The following GLYR1 variants were observed in gnomAD, a reference collection of about 807,000 sequenced individuals.
GLYR1 encodes cytokine-like nuclear factor N-PAC.
In GLYR1, 21 loss-of-function variants were observed where a neutral mutation model predicts 72.7. That is an observed-to-expected ratio of 0.29 (90% CI 0.20 to 0.42). The LOEUF (loss-of-function observed/expected upper bound fraction) is 0.42. Among genes scored for constraint, GLYR1 ranks in the 10% least tolerant of loss-of-function variants. The probability of loss-of-function intolerance (pLI) is 1.00; values close to 1 mark genes in which losing one functional copy is unlikely to be tolerated. For synonymous variants in GLYR1, 392 were observed against 270.2 expected, an observed-to-expected ratio of 1.45 and a Z score of -4.42; for missense variants, 594 against 712.1, an observed-to-expected ratio of 0.83 and a Z score of 1.89.
intron 3 of GLYR1, among the ~76,000 whole-genome samples, chr16:4,837,064 T>C (rs1287685801): frequency 6.6e-6 from 1 of 152,208 alleles, no homozygotes; most frequent in African/African-American, 2.4e-5. Context: ...ACTCTCAGAT[T>C]ACTCCAATCA....
intron 3 of GLYR1, 114 bp downstream of exon 3, chr16:4,844,960 T>C: frequency 1.4e-6 from 1 of 735,380 alleles, no homozygotes; most frequent in South Asian, 1.7e-5. Context: ...GATGCCAGTA[T>C]TACACATTAT....
intron 5 of GLYR1, 97 bp downstream of exon 5, chr16:4,831,882 A>G (rs2084823933): frequency 6.7e-7 from 1 of 1,491,006 alleles, no homozygotes; most frequent in East Asian, 2.3e-5. Flanking sequence ...TGAGCAGAGT[A>G]TAGATAAGCA....
At chr16:4,826,540 G>A (rs1254986122) in intron 5 of GLYR1, among the ~76,000 whole-genome samples, 2 of 152,208 alleles carry the variant, frequency 1.3e-5, no homozygotes, top group African/African-American at 2.4e-5. Flanking sequence ...AAGGAGCCTC[G>A]TCTGACTTTT....
chr16:4,815,389 A>AT (rs1414514455), intron 10 of GLYR1, among the ~76,000 whole-genome samples: 2 of 152,140 alleles, frequency 1.3e-5, no homozygotes, highest in Admixed American at 6.6e-5. Context: ...GTTGTCTTTC[A>AT]TAATTCTGGC....
At chr16:4,843,748 A>T (rs993783721) in intron 3 of GLYR1, 6 of 724,272 alleles carry the variant, frequency 8.3e-6, no homozygotes, top group Non-Finnish European at 1.1e-5. Context: ...ATTTTTTTCA[A>T]ATCTAAGGCT....
At chr16:4,843,477 G>C in intron 3 of GLYR1, 1 of 1,254,886 alleles carries the variant, frequency 8.0e-7, no homozygotes, top group Non-Finnish European at 1.0e-6. Flanking sequence ...TAAATCCATG[G>C]AGTTCTAAGA....
intron 3 of GLYR1, chr16:4,843,370 G>A (rs1183402526): frequency 4.2e-6 from 3 of 719,166 alleles, no homozygotes; most frequent in Non-Finnish European, 5.6e-6. Flanking sequence ...GGCCAGGATG[G>A]TCTCGAACTC....
chr16:4,829,863 G>A (rs1443770071), intron 5 of GLYR1, among the ~76,000 whole-genome samples: 1 of 152,066 alleles, frequency 6.6e-6, no homozygotes, highest in African/African-American at 2.4e-5. Flanking sequence ...AGTAGAGACG[G>A]GGTTTCTCCA....
rs745396499 is a variant in GLYR1 at position 4,845,039 on chromosome 16, A to T, written c.155+35T>A. On this transcript the variant is annotated intron_variant, in intron 3 of 15. Coordinates refer to ENST00000321919, the MANE Select transcript of GLYR1 (RefSeq NM_032569.4). The stretch of plus-strand genomic sequence containing the variant: ...TCAGACTCCAGGTAACACAGAAAGA[A>T]AGGCGAAGGGAGACTCCTGGTGAGT... 3 of 1,410,908 alleles carry T rather than the reference A, an allele frequency of 2.1e-6. No individual in the cohort carries two copies. The Admixed American group carries it at 5.1e-5, about 24-fold the overall frequency. The allele number at this position is 1,410,908 out of a possible 1,614,324, so 87.4% of individuals were successfully genotyped here.
intron 5 of GLYR1, among the ~76,000 whole-genome samples, chr16:4,824,913 G>A (rs552863536): frequency 2.2e-4 from 34 of 152,136 alleles, no homozygotes; most frequent in African/African-American, 7.2e-4. Context: ...CTTAGAAAAC[G>A]CCTGCTCCAT....
chr16:4,812,109 A>G lies in GLYR1; in HGVS notation c.1259T>C (p.Met420Thr). 1 of 1,614,006 alleles carries G rather than the reference A, an allele frequency of 6.2e-7. No individual in the cohort carries two copies. Among genetic ancestry groups the G allele is most frequent in the Non-Finnish European group, 8.5e-7 (1 of 1,179,940 alleles). ...ACCTAGGAAGAAGGAGGTCTTCCCC[A>G]TCGCCTGGAAGCAGCTGCTGCAGTC... ...YEDCSSCFQA[M>T]GKTSFFLGEV... Residue 420 changes from methionine (M) to threonine (T), a missense_variant, in exon 13 of 16, where the codon ATG (methionine) becomes ACG (threonine). This residue lies in a region of GLYR1 where 266 missense variants were observed against 358.4 expected (regional missense o/e 0.74). Coordinates refer to ENST00000321919, the MANE Select transcript of GLYR1 (RefSeq NM_032569.4).
In GLYR1 at chr16:4,832,130, A is replaced by C. The variant is rs1433611625; in HGVS notation, c.386T>G (p.Leu129Arg). The C allele has an allele frequency of 1.2e-6, 2 of 1,614,130 alleles. No homozygotes were observed. The highest frequency in any genetic ancestry group is 1.7e-6 in the Non-Finnish European group (2 of 1,180,024). Residue 129 changes from leucine to arginine, a missense_variant, in exon 5 of 16, where the codon CTT becomes CGT. Leu to Arg is a moderately radical substitution (Grantham distance 102). Coordinates refer to ENST00000321919, the MANE Select transcript of GLYR1 (RefSeq NM_032569.4). Reference protein sequence around the residue: ...RPNSGDEKRKLSLSEGKVKKN... With the variant: ...RPNSGDEKRKRSLSEGKVKKN... ...CTTCACCTTCCCTTCAGACAGGCTA[A>C]GTTTGCGCTTCTCATCACCTGAGTT...
chr16:4,835,198 C>T (rs564818007), intron 3 of GLYR1, among the ~76,000 whole-genome samples: 1 of 152,248 alleles, frequency 6.6e-6, no homozygotes, highest in East Asian at 1.9e-4. Flanking sequence ...CTGCTACCTC[C>T]ATCCCTGCCT....
chr16:4,814,434 C>A (rs557068250), intron 11 of GLYR1, 103 bp downstream of exon 11: 99 of 848,218 alleles, frequency 1.2e-4, no homozygotes, highest in Non-Finnish European at 1.5e-4. Context: ...TTCAGCCCCC[C>A]ACATGTGGAC....
rs1414511114 is a variant in GLYR1 at position 4,822,945 on chromosome 16, A to G, written c.625-14T>C. The G allele has an allele frequency of 3.7e-6, 6 of 1,613,070 alleles. No individual in the cohort carries two copies. The highest frequency in any genetic ancestry group is 5.1e-6 in the Non-Finnish European group (6 of 1,179,092). On this transcript the variant is annotated splice_polypyrimidine_tract_variant and intron_variant, in intron 6 of 15. Coordinates refer to ENST00000321919, the MANE Select transcript of GLYR1 (RefSeq NM_032569.4). ...ATCTTTAACAGGCTGAAACCAGAAA[A>G]CAGTGAAATAAAACCAGTTATCTGC... is the stretch of plus-strand genomic sequence containing the variant.
rs539747849 is a variant in GLYR1 at position 4,846,035 on chromosome 16, C to G, written c.75+139G>C. ...ATTGCCTTTTAAAAAATAACCGATA[C>G]TAGGGGAAAAAAAATTCTAAGTGCC... On this transcript the variant is annotated intron_variant, in intron 2 of 15. Coordinates refer to ENST00000321919, the MANE Select transcript of GLYR1 (RefSeq NM_032569.4). The G allele has an allele frequency of 2.0e-5, 17 of 850,090 alleles. No individual in the cohort carries two copies. The East Asian group carries it at 2.7e-4, about 14-fold the overall frequency. The allele number at this position is 850,090 out of a possible 1,614,324, so 52.7% of individuals were successfully genotyped here. A position where few individuals can be genotyped will look rare whatever the true frequency, so the allele number is the denominator to read the frequency against.
In GLYR1 at chr16:4,803,369, T is replaced by G. The variant is rs1391059603; in HGVS notation, c.*1867A>C. The stretch of plus-strand genomic sequence containing the variant: ...AATTCACAACCTTAATTACCTAGAT[T>G]TGTCATTTAAAGGTTTAAAGAAAAA... On this transcript the variant is annotated 3_prime_UTR_variant, in exon 16 of 16. Transcript: ENST00000321919. 6.5e-6 allele frequency: 1 copy of G among 152,676 alleles called. No individual in the cohort carries two copies. The highest frequency in any genetic ancestry group is 2.4e-5 in the African/African-American group (1 of 41,462). The allele number at this position is 152,676 out of a possible 1,614,324, so 9.5% of individuals were successfully genotyped here.
At position 4,803,404 on chromosome 16, in the gene GLYR1, C is replaced by T. The variant is rs943459067; in HGVS notation, c.*1832G>A. On this transcript the variant is annotated 3_prime_UTR_variant, in exon 16 of 16. Transcript: ENST00000321919. Reference sequence around the variant, plus strand: ...AAGGTTTAAAGAAAAAAGGGAGGGGCTTTCTTACAAGCTTTTTCACAAGTG... The same window carrying T: ...AAGGTTTAAAGAAAAAAGGGAGGGGTTTTCTTACAAGCTTTTTCACAAGTG... The T allele has an allele frequency of 3.9e-5, 6 of 152,606 alleles. No individual in the cohort carries two copies. The highest frequency in any genetic ancestry group is 7.2e-5 in the African/African-American group (3 of 41,426). 9.5% of individuals were successfully genotyped at this position (152,606 alleles called of 1,614,324 possible).
rs1292360677 is a variant in GLYR1, at chr16:4,803,412, C to A, written c.*1824G>T. 3 of 152,620 alleles carry A rather than the reference C, an allele frequency of 2.0e-5. No individual in the cohort carries two copies. Among genetic ancestry groups the A allele is most frequent in the Non-Finnish European group, 4.4e-5 (3 of 68,032 alleles). 9.5% of individuals were successfully genotyped at this position (152,620 alleles called of 1,614,324 possible). A position where few individuals can be genotyped will look rare whatever the true frequency, so the allele number is the denominator to read the frequency against. ...AAGAAAAAAGGGAGGGGCTTTCTTA[C>A]AAGCTTTTTCACAAGTGTCACATTT... is the stretch of plus-strand genomic sequence containing the variant. On this transcript the variant is annotated 3_prime_UTR_variant, in exon 16 of 16. Transcript: ENST00000321919.
Sources: gnomAD v4.1 joint callset for allele counts (sites outside exome capture counted in the v4.1 genomes callset) on GRCh38, gnomAD v4.1.1 for gene constraint, gnomAD v4.1.1 regional missense constraint, MANE v1.5 for transcripts, NCBI Gene and HGNC (gene_info 2026-07-23, HGNC 2026-07-21) for gene names.